Variants in EBPL observed in about 807,000 individuals in gnomAD.
EBPL encodes emopamil-binding protein-like.
EBPL carries 20 observed loss-of-function variants against 19.0 expected under a neutral mutation model. That is an observed-to-expected ratio of 1.05 (90% CI 0.74 to 1.53). The LOEUF (loss-of-function observed/expected upper bound fraction) is 1.53. Among genes scored for constraint, EBPL ranks in the 40% most tolerant of loss-of-function variants. The pLI, the probability that EBPL is intolerant of heterozygous loss-of-function variation, is 0.00. For synonymous variants in EBPL, 107 were observed against 117.0 expected, an observed-to-expected ratio of 0.91 and a Z score of 0.55; for missense variants, 219 against 261.1, an observed-to-expected ratio of 0.84 and a Z score of 1.11.
At chr13:49,665,168 T>C (rs1002305129) in intron 2 of EBPL, among the ~76,000 whole-genome samples, 7 of 149,640 alleles carry the variant, frequency 4.7e-5, no homozygotes, top group African/African-American at 7.4e-5. Context: ...TGGAGTGCAA[T>C]GGCATGATCT....
chr13:49,666,858 C>A lies in EBPL; in HGVS notation c.241+2919G>T, dbSNP rs558106091. ...GAACTGACATTGCGCCACTGCACTC[C>A]AGCCTGGGAGACAGAGCGAGACTCT... On this transcript the variant is annotated intron_variant, in intron 2 of 3. Coordinates refer to ENST00000242827, the MANE Select transcript of EBPL (RefSeq NM_032565.5). Among the ~76,000 whole-genome samples, 26 of 150,318 alleles carry A rather than the reference C, an allele frequency of 1.7e-4. No individual in the cohort carries two copies. In the South Asian group the frequency reaches 5.1e-3, roughly 29 times the overall value.
At position 49,669,846 on chromosome 13, in the gene EBPL, C is replaced by T. The variant is rs778282206; in HGVS notation, c.172G>A (p.Glu58Lys). 1.6e-5 allele frequency: 25 copies of T among 1,612,644 alleles called. No homozygotes were observed. The Middle Eastern group carries it at 4.9e-4, about 32-fold the overall frequency. ...CYDALVHFAL[E>K]GPFVYLSLVG... ...AAAGACAAGTAGACAAAAGGGCCTT[C>T]CTAGAGAGGAGAAAATGAAGACATG... The change falls in exon 2 of 4, where the codon GAA (glutamate) becomes AAA (lysine). Residue 58 changes from glutamate to lysine, a missense_variant and splice_region_variant. Around this residue, in one of 2 missense-constraint regions of EBPL, gnomAD observed 170 missense variants for 167.0 expected, o/e 1.02. Coordinates refer to ENST00000242827, the MANE Select transcript of EBPL (RefSeq NM_032565.5).
chr13:49,671,923 C>T lies in EBPL; in HGVS notation c.172-2077G>A, dbSNP rs1024769805. Among the ~76,000 whole-genome samples the T allele has an allele frequency of 2.6e-5, 4 of 152,160 alleles. No homozygotes were observed. In the South Asian group the frequency reaches 8.3e-4, roughly 32 times the overall value. Reference sequence around the variant, plus strand: ...GGAACCTATGAGTCTATAACAAATCCGTTTCCTTTTACATCTACTTGTTGA... The same window carrying T: ...GGAACCTATGAGTCTATAACAAATCTGTTTCCTTTTACATCTACTTGTTGA... On this transcript the variant is annotated intron_variant, in intron 1 of 3. Coordinates refer to ENST00000242827, the MANE Select transcript of EBPL (RefSeq NM_032565.5).
At chr13:49,679,995 T>C (rs1315066416) in intron 1 of EBPL, among the ~76,000 whole-genome samples, 1 of 152,192 alleles carries the variant, frequency 6.6e-6, no homozygotes, top group Non-Finnish European at 1.5e-5. Flanking sequence ...TTTCCAGCCT[T>C]GAGCACAGCA....
intron 1 of EBPL, among the ~76,000 whole-genome samples, chr13:49,685,747 C>T (rs1953989633): frequency 1.3e-5 from 2 of 152,004 alleles, no homozygotes; most frequent in South Asian, 4.1e-4. Flanking sequence ...GTGGCACGTG[C>T]CTGTAGTACC....
chr13:49,671,328 G>A (rs1007116488), intron 1 of EBPL, among the ~76,000 whole-genome samples: 34 of 151,984 alleles, frequency 2.2e-4, no homozygotes, highest in Admixed American at 1.2e-3. Flanking sequence ...TAGTAGAGAT[G>A]GGATTTCACC....
chr13:49,686,239 C>T (rs1011651820), intron 1 of EBPL, among the ~76,000 whole-genome samples: 9 of 152,212 alleles, frequency 5.9e-5, no homozygotes, highest in East Asian at 1.9e-4. Flanking sequence ...TACCCTTCTT[C>T]GGCCATCCTC....
intron 1 of EBPL, among the ~76,000 whole-genome samples, chr13:49,673,956 ACT>A (rs1953846284): frequency 1.9e-5 from 1 of 52,082 alleles, no homozygotes; most frequent in African/African-American, 5.4e-5. Context: ...ATTATATGGA[ACT>A]TAATACACAC....
chr13:49,685,294 T>C (rs1228701400), intron 1 of EBPL, among the ~76,000 whole-genome samples: 4 of 152,120 alleles, frequency 2.6e-5, no homozygotes, highest in African/African-American at 9.7e-5. Context: ...TCCATACATA[T>C]AAAATACTTT....
At chr13:49,665,971 G>A (rs1389385021) in intron 2 of EBPL, among the ~76,000 whole-genome samples, 1 of 152,186 alleles carries the variant, frequency 6.6e-6, no homozygotes, top group Non-Finnish European at 1.5e-5. Flanking sequence ...ACTTCTGCCT[G>A]AGGGCTATGG....
intron 1 of EBPL, among the ~76,000 whole-genome samples, chr13:49,690,389 G>A (rs1954048298): frequency 6.8e-6 from 1 of 146,282 alleles, no homozygotes; most frequent in African/African-American, 2.5e-5. Context: ...AGCCACAGGT[G>A]TGTCTAGAGT....
chr13:49,661,031 C>T lies in EBPL; in HGVS notation c.558G>A (p.Gln186=). 6.2e-7 allele frequency: 1 copy of T among 1,614,122 alleles called. No homozygotes were observed. Among genetic ancestry groups the T allele is most frequent in the Admixed American group, 1.7e-5 (1 of 60,008 alleles). The part of the protein sequence containing the change: ...WVLIPGLLLW[Q]SWLELKKMHQ... The stretch of plus-strand genomic sequence containing the variant: ...GCATTTTCTTGAGTTCTAGCCATGA[C>T]TGCCACAGTAGCAGTCCTGGGATCA... Residue 186 remains glutamine (Q), a synonymous_variant, in exon 4 of 4, where the codon CAG becomes CAA. Transcript: ENST00000242827.
intron 2 of EBPL, 29 bp downstream of exon 2, chr13:49,669,745 CATT>C (rs1196214094): frequency 1.9e-6 from 3 of 1,601,730 alleles, no homozygotes; most frequent in Non-Finnish European, 2.6e-6. Flanking sequence ...CCTCCTCCAA[CATT>C]TCAAACGCAA....
At chr13:49,663,931 A>AC (rs919977214) in intron 2 of EBPL, among the ~76,000 whole-genome samples, 3 of 149,602 alleles carry the variant, frequency 2.0e-5, no homozygotes, top group African/African-American at 4.9e-5. Context: ...TCTCAAAAAA[A>AC]AAAAAACAAA....
At chr13:49,676,047 T>G (rs574053510) in intron 1 of EBPL, among the ~76,000 whole-genome samples, 1 of 152,266 alleles carries the variant, frequency 6.6e-6, no homozygotes, top group South Asian at 2.1e-4. Context: ...ACCTTTGAGG[T>G]TTTTTTTAAT....
intron 2 of EBPL, among the ~76,000 whole-genome samples, chr13:49,667,887 T>G (rs1953756087): frequency 6.6e-6 from 1 of 152,218 alleles, no homozygotes; most frequent in Admixed American, 6.5e-5. Flanking sequence ...CTGGGCTGTT[T>G]GCTTTCTCTC....
chr13:49,661,173 A>G lies in EBPL; in HGVS notation c.416T>C (p.Leu139Pro). 1.2e-6 allele frequency: 2 copies of G among 1,614,186 alleles called. No homozygotes were observed. The highest frequency in any genetic ancestry group is 1.7e-6 in the Non-Finnish European group (2 of 1,180,030). The change falls in exon 4 of 4, where the codon CTG (leucine) becomes CCG (proline). Residue 139 changes from leucine (L) to proline (P), a missense_variant. By Grantham distance (98) the Leu-to-Pro change is moderately conservative (BLOSUM62 -3). Coordinates refer to ENST00000242827, the MANE Select transcript of EBPL (RefSeq NM_032565.5). ...GAGGAAGGTCATCCAGCAGCCATAC[A>G]GCTCGCACACGCACAGGGTGATCTG... is the stretch of plus-strand genomic sequence containing the variant. ...FLQITLCVCELYGCWMTFLPE... is the reference protein window; with the variant it reads ...FLQITLCVCEPYGCWMTFLPE...
In EBPL at chr13:49,688,099, T is replaced by G. The variant is rs373912654; in HGVS notation, c.171+3155A>C. On this transcript the variant is annotated intron_variant, in intron 1 of 3. Coordinates refer to ENST00000242827, the MANE Select transcript of EBPL (RefSeq NM_032565.5). ...TCTGGCCATGCCTGAATGCTATACA[T>G]AGATTGCAGAAGAGATAAAATTTTA... Among the ~76,000 whole-genome samples, 8 of 152,300 alleles carry G rather than the reference T, an allele frequency of 5.3e-5. No individual in the cohort carries two copies. In the East Asian group the frequency reaches 1.2e-3, roughly 22 times the overall value.
chr13:49,688,708 G>A (rs1370239990), intron 1 of EBPL, among the ~76,000 whole-genome samples: 1 of 125,320 alleles, frequency 8.0e-6, no homozygotes, highest in African/African-American at 3.2e-5. Flanking sequence ...AATAGAGCGA[G>A]ACTCCGTCTC....
Sources: allele counts gnomAD v4.1 joint callset (sites outside exome capture counted in the v4.1 genomes callset), GRCh38; gene constraint gnomAD v4.1.1; regional missense constraint gnomAD v4.1.1; transcripts MANE v1.5; gene names NCBI Gene and HGNC (gene_info 2026-07-23, HGNC 2026-07-21).